PRELID2: variants seen among roughly 807,000 people sequenced by gnomAD.
PRELID2 encodes the protein PRELI domain-containing protein 2.
Under a neutral mutation model 28.4 loss-of-function variants are expected in PRELID2, and 25 were observed. The ratio of observed to expected loss-of-function variants is 0.88; its 90% confidence interval spans 0.64 to 1.23. The LOEUF (loss-of-function observed/expected upper bound fraction) is 1.23, where lower values mean the gene tolerates loss of function less well. PRELID2 is among the 50% of genes most tolerant of loss of function. PRELID2 has a pLI of 0.00. For synonymous variants in PRELID2, 76 were observed against 71.6 expected, an observed-to-expected ratio of 1.06 and a Z score of -0.31; for missense variants, 201 against 214.4, an observed-to-expected ratio of 0.94 and a Z score of 0.39.
At chr5:145,697,074 TATATATACAC>T (rs1277987398) in intron 1 of PRELID2, among the ~76,000 whole-genome samples, 2 of 113,870 alleles carry the variant, frequency 1.8e-5, no homozygotes, top group Admixed American at 8.4e-5. Flanking sequence ...TATATATATA[TATATATACAC>T]ACACACACAT....
At chr5:145,648,641 T>G (rs1259137362) in intron 1 of PRELID2, among the ~76,000 whole-genome samples, 1 of 151,340 alleles carries the variant, frequency 6.6e-6, no homozygotes, top group African/African-American at 2.4e-5. Context: ...TTTTGTATTA[T>G]CCTCCCTGGG....
At chr5:145,623,081 C>T (rs79484616) in intron 1 of PRELID2, among the ~76,000 whole-genome samples, 2,539 of 151,746 alleles carry the variant, frequency 0.017, 82 homozygotes, top group African/African-American at 0.058. Context: ...AAAGACTTTC[C>T]TGAAGAAAAT....
At chr5:145,286,716 GTTT>G in the PRELID2 span, among the ~76,000 whole-genome samples, 2 of 63,072 alleles carry the variant, frequency 3.2e-5, no homozygotes, top group African/African-American at 1.5e-4. Flanking sequence ...TTTTTTGTTT[GTTT>G]GTTTGTTTTT....
chr5:145,740,985 T>A (rs1432511929), intron 1 of PRELID2, among the ~76,000 whole-genome samples: 1 of 114,172 alleles, frequency 8.8e-6, no homozygotes, highest in Non-Finnish European at 1.6e-5. Context: ...TATTTGTGTA[T>A]AAATAAAATA....
At chr5:145,293,420 A>G in the PRELID2 span, among the ~76,000 whole-genome samples, 1 of 152,168 alleles carries the variant, frequency 6.6e-6, no homozygotes, top group Non-Finnish European at 1.5e-5. Flanking sequence ...TATTATTTAC[A>G]ATAATCCTAG....
chr5:145,680,135 T>C (rs889002931), intron 1 of PRELID2, among the ~76,000 whole-genome samples: 11 of 152,162 alleles, frequency 7.2e-5, no homozygotes, highest in African/African-American at 2.4e-4. Context: ...TTAAAAAATA[T>C]AGAATCGAGG....
intron 1 of PRELID2, among the ~76,000 whole-genome samples, chr5:145,639,128 T>C (rs1369424319): frequency 6.6e-6 from 1 of 152,234 alleles, no homozygotes; most frequent in Non-Finnish European, 1.5e-5. Context: ...GAAGACCACT[T>C]ACAAAGGTCC....
At chr5:145,467,998 T>C (rs906843165), downstream of PRELID2, among the ~76,000 whole-genome samples, 2 of 152,162 alleles carry the variant, frequency 1.3e-5, no homozygotes, top group African/African-American at 4.8e-5. Context: ...ACATGTGCCA[T>C]GTTGGTGTGC....
chr5:145,353,612 CA>C, the PRELID2 span, among the ~76,000 whole-genome samples: 1 of 152,126 alleles, frequency 6.6e-6, no homozygotes, highest in Non-Finnish European at 1.5e-5. Context: ...CTTCCTTCAT[CA>C]CATGATGTTA....
intron 3 of PRELID2, 101 bp from the exon 4 acceptor site, chr5:145,818,155 A>G (rs1416323734): frequency 5.7e-6 from 7 of 1,217,790 alleles, no homozygotes; most frequent in Non-Finnish European, 8.1e-6. Context: ...CAAGAGGACA[A>G]GTAATCCTGA....
intron 1 of PRELID2, among the ~76,000 whole-genome samples, chr5:145,617,474 C>T (rs374528394): frequency 1.2e-4 from 18 of 152,310 alleles, no homozygotes; most frequent in African/African-American, 3.8e-4. Flanking sequence ...CTGCTCCCTC[C>T]GTTCGGGGTT....
the PRELID2 span, among the ~76,000 whole-genome samples, chr5:145,400,550 C>T: frequency 1.3e-5 from 2 of 152,228 alleles, no homozygotes; most frequent in Admixed American, 1.3e-4. Flanking sequence ...AGAGAGAACA[C>T]GATGTCGAAT....
chr5:145,264,022 T>C, the PRELID2 span, among the ~76,000 whole-genome samples: 1 of 152,228 alleles, frequency 6.6e-6, no homozygotes, highest in East Asian at 1.9e-4. Flanking sequence ...TCCTGAATAG[T>C]TGAGATTACA....
chr5:145,323,135 G>A, the PRELID2 span, among the ~76,000 whole-genome samples: 3 of 151,866 alleles, frequency 2.0e-5, no homozygotes, highest in African/African-American at 7.3e-5. Context: ...ACAAGAAAAA[G>A]CCAGTATGGG....
the PRELID2 span, among the ~76,000 whole-genome samples, chr5:145,239,345 C>T: frequency 1.3e-5 from 2 of 151,958 alleles, no homozygotes; most frequent in Admixed American, 1.3e-4. Flanking sequence ...CCAGGAATCA[C>T]TTGGAGTGAT....
Position 145,664,501 on chromosome 5 carries a change from G to T in PRELID2, n.70+100430C>A, listed in dbSNP as rs144182496. 3.3e-3 allele frequency among the ~76,000 whole-genome samples: 504 copies of T among 152,174 alleles called. 1 individual carries two copies. The highest frequency in any genetic ancestry group is 0.01 in the Middle Eastern group (3 of 294). On this transcript the variant is annotated intron_variant and non_coding_transcript_variant, in intron 1 of 2. Transcript: ENST00000510259. ...AATGCAAATTGTATATGACTCTAAA[G>T]ATCCTTTATCTGACAGATCTGAGGA...
chr5:145,536,012 A>C (rs1443883298), intron 1 of PRELID2, among the ~76,000 whole-genome samples: 2 of 151,922 alleles, frequency 1.3e-5, no homozygotes, highest in African/African-American at 2.4e-5. Flanking sequence ...ACATCTAATC[A>C]AGGTTAGTTA....
intron 1 of PRELID2, among the ~76,000 whole-genome samples, chr5:145,742,279 A>AAT (rs1357227571): frequency 7.2e-6 from 1 of 138,338 alleles, no homozygotes; most frequent in Non-Finnish European, 1.5e-5. Context: ...ATACAAATAA[A>AAT]ATATATATTT....
At chr5:145,821,564 T>C in intron 2 of PRELID2, among the ~76,000 whole-genome samples, 1 of 152,216 alleles carries the variant, frequency 6.6e-6, no homozygotes, top group East Asian at 1.9e-4. Context: ...TGTGAATCAC[T>C]GTGACTTAGC....
Sources: allele counts gnomAD v4.1 joint callset (sites outside exome capture counted in the v4.1 genomes callset), GRCh38; gene constraint gnomAD v4.1.1; transcripts MANE v1.5; gene names NCBI Gene and HGNC (gene_info 2026-07-23, HGNC 2026-07-21).